Variants in ASPM observed in about 807,000 individuals in gnomAD.
The protein encoded by ASPM is abnormal spindle-like microcephaly-associated protein.
In ASPM, 256 loss-of-function variants were observed where a neutral mutation model predicts 366.4. That is an observed-to-expected ratio of 0.70 (90% CI 0.63 to 0.77). The LOEUF is 0.77. Ranked by LOEUF, ASPM falls within the 30% of genes least tolerant of loss-of-function variation. ASPM has a pLI of 0.00. For missense variants in ASPM, 4,146 were observed against 4,090.4 expected (o/e 1.01, Z -0.37); for synonymous variants, 1,414 against 1,342.9 (o/e 1.05, Z -1.16).
At chr1:197,131,804 T>A (rs1327631166) in intron 7 of ASPM, among the ~76,000 whole-genome samples, 1 of 150,558 alleles carries the variant, frequency 6.6e-6, no homozygotes, top group African/African-American at 2.4e-5. Context: ...CACGATCAGC[T>A]CACCTCAGTC....
At chr1:197,135,747 T>C (rs925438209) in intron 4 of ASPM, among the ~76,000 whole-genome samples, 3 of 151,740 alleles carry the variant, frequency 2.0e-5, no homozygotes, top group Admixed American at 6.6e-5. Context: ...GGCCAGGGGT[T>C]TGTAACCAGC....
chr1:197,146,446 C>A lies in ASPM; in HGVS notation c.-9G>T, dbSNP rs141108591. On this transcript the variant is annotated 5_prime_UTR_variant, in exon 1 of 28. Coordinates refer to ENST00000367409, the MANE Select transcript of ASPM (RefSeq NM_018136.5). ...ACTCGCCGGTTCGCCATGGCAGATTCGAGACCCCTCCTGGATCTCCTTGCC... is the reference window on the plus strand; with the variant it reads ...ACTCGCCGGTTCGCCATGGCAGATTAGAGACCCCTCCTGGATCTCCTTGCC... 6.1e-4 allele frequency: 980 copies of A among 1,605,288 alleles called. 11 individuals are homozygous for A. In the East Asian group the frequency reaches 0.02, roughly 33 times the overall value.
chr1:197,133,385 A>G lies in ASPM; in HGVS notation c.2384T>C (p.Ile795Thr), dbSNP rs1049519460. 4 of 1,613,924 alleles carry G rather than the reference A, an allele frequency of 2.5e-6. No individual in the cohort carries two copies. The highest frequency in any genetic ancestry group is 2.7e-5 in the African/African-American group (2 of 74,926). The change falls in exon 6 of 28, where the codon ATT becomes ACT. Residue 795 changes from isoleucine (I) to threonine (T), a missense_variant. Coordinates refer to ENST00000367409, the MANE Select transcript of ASPM (RefSeq NM_018136.5). Reference protein sequence around the residue: ...LEIEIEARRLIVRKDRHLWKD... With the variant: ...LEIEIEARRLTVRKDRHLWKD... ...CCATAGGTGTCTATCTTTTCGAACA[A>G]TTAACCGCCTAGCTTCAATTTCAAT...
intron 10 of ASPM, among the ~76,000 whole-genome samples, chr1:197,126,707 C>T (rs1415115988): frequency 1.3e-5 from 2 of 152,126 alleles, no homozygotes; most frequent in Admixed American, 1.3e-4. Flanking sequence ...AGACTATTAA[C>T]TTGTGAGAAT....
Position 197,130,041 on chromosome 1 carries a change from G to A in ASPM, c.2503C>T (p.Leu835Phe), listed in dbSNP as rs574186428. 9 of 1,613,802 alleles carry A rather than the reference G, an allele frequency of 5.6e-6. No individual in the cohort carries two copies. The East Asian group carries it at 1.8e-4, about 32-fold the overall frequency. ...TCACTGTTATCTTCCAAAGATATGA[G>A]TTCTCCATAAGTTGTCTGAAAATAA... ...RIGLETTYGE[L>F]ISLEDNSDVT... Residue 835 changes from leucine (L) to phenylalanine (F), a missense_variant, in exon 8 of 28, where the codon CTC becomes TTC. Transcript: ENST00000367409.
intron 1 of ASPM, among the ~76,000 whole-genome samples, chr1:197,144,745 T>G (rs1257714640): frequency 1.3e-5 from 2 of 151,944 alleles, no homozygotes; most frequent in African/African-American, 2.4e-5. Context: ...GAGTTTGGAC[T>G]TTAACATCTA....
chr1:197,100,942 A>C lies in ASPM; in HGVS notation c.8309T>G (p.Val2770Gly), dbSNP rs886043529. The change falls in exon 18 of 28, where the codon GTT (valine) becomes GGT (glycine). Residue 2770 changes from valine (V) to glycine (G), a missense_variant. Physicochemically the swap from Val to Gly is moderately radical, Grantham distance 109. Around this residue, in one of 3 missense-constraint regions of ASPM, gnomAD observed 3,624 missense variants for 3,591.7 expected, o/e 1.01. Transcript: ENST00000367409. ...NVSEEKMAAI[V>G]NQSALCCYRS... ...GTAACAGCAGAGTGCAGATTGGTTA[A>C]CAATGGCTGCCATCTTTTCCTCTGA... 15 of 1,612,604 alleles carry C rather than the reference A, an allele frequency of 9.3e-6. No individual in the cohort carries two copies. Among genetic ancestry groups the C allele is most frequent in the Admixed American group, 1.7e-5 (1 of 59,756 alleles).
chr1:197,103,023 C>A lies in ASPM; in HGVS notation c.6228G>T (p.Trp2076Cys). 1 of 1,612,176 alleles carries A rather than the reference C, an allele frequency of 6.2e-7. No homozygotes were observed. Among genetic ancestry groups the A allele is most frequent in the Non-Finnish European group, 8.5e-7 (1 of 1,179,058 alleles). Residue 2076 changes from tryptophan (W) to cysteine (C), a missense_variant, in exon 18 of 28, where the codon TGG becomes TGT. Trp to Cys is a radical substitution (Grantham distance 215). This residue lies in a region of ASPM where 3,624 missense variants were observed against 3,591.7 expected (regional missense o/e 1.01). Coordinates refer to ENST00000367409, the MANE Select transcript of ASPM (RefSeq NM_018136.5). ...GGTTTGTAATTTTAATACCTCGATA[C>A]CATCTCTGAATTATAATAGCTGAAG... Reference protein sequence around the residue: ...YRASAIIIQRWYRGIKITNHQ... With the variant: ...YRASAIIIQRCYRGIKITNHQ...
intron 17 of ASPM, among the ~76,000 whole-genome samples, chr1:197,116,431 GACACAA>G (rs1657739088): frequency 6.6e-6 from 1 of 152,162 alleles, no homozygotes; most frequent in Admixed American, 6.6e-5. Flanking sequence ...ACCAAACTAT[GACACAA>G]ACACAAAGTG....
At position 197,092,074 on chromosome 1, in the gene ASPM, A is replaced by C; in HGVS notation, c.9295-18T>G. 1 of 1,610,400 alleles carries C rather than the reference A, an allele frequency of 6.2e-7. No homozygotes were observed. On this transcript the variant is annotated intron_variant, in intron 21 of 27. Coordinates refer to ENST00000367409, the MANE Select transcript of ASPM (RefSeq NM_018136.5). ...TCTAAAAACTAAAGGTGAAAAAACA[A>C]AGCATATTCAAGTATCTGCCTCCTA...
chr1:197,106,045 C>T (rs1657400069), intron 17 of ASPM, among the ~76,000 whole-genome samples: 1 of 151,926 alleles, frequency 6.6e-6, no homozygotes, highest in South Asian at 2.1e-4. Flanking sequence ...TACTTTTTCT[C>T]GCATATAAGT....
chr1:197,143,527 C>T lies in ASPM; in HGVS notation c.725G>A (p.Arg242His), dbSNP rs374323328. Residue 242 changes from arginine to histidine, a missense_variant, in exon 3 of 28, where the codon CGT becomes CAT. By Grantham distance (29) the Arg-to-His change is conservative. Around this residue, in one of 3 missense-constraint regions of ASPM, gnomAD observed 512 missense variants for 471.7 expected, o/e 1.09. Coordinates refer to ENST00000367409, the MANE Select transcript of ASPM (RefSeq NM_018136.5). ...AAGAGATGAGTAGGTAGTAGATCGA[C>T]GTACAGAGAGTGGCAAGCAAGTTGC... ...HGATCLPLSVRRSTTYSSLHA... is the reference protein window; with the variant it reads ...HGATCLPLSVHRSTTYSSLHA... 1.2e-5 allele frequency: 19 copies of T among 1,613,762 alleles called. No individual in the cohort carries two copies. Among genetic ancestry groups the T allele is most frequent in the Middle Eastern group, 1.6e-4 (1 of 6,084 alleles).
At chr1:197,088,932 G>A (rs928896812) in intron 25 of ASPM, among the ~76,000 whole-genome samples, 26 of 151,820 alleles carry the variant, frequency 1.7e-4, no homozygotes. Context: ...TATTTTCCAC[G>A]CCTCATTTTT....
intron 27 of ASPM, among the ~76,000 whole-genome samples, chr1:197,085,956 T>C (rs1656576371): frequency 1.3e-5 from 2 of 152,172 alleles, no homozygotes; most frequent in Non-Finnish European, 2.9e-5. Flanking sequence ...ATTCATATGT[T>C]AGTATGAGCT....
intron 16 of ASPM, among the ~76,000 whole-genome samples, chr1:197,121,487 A>C (rs924222889): frequency 6.6e-6 from 1 of 152,180 alleles, no homozygotes; most frequent in Non-Finnish European, 1.5e-5. Flanking sequence ...TCACAAAATC[A>C]GACACTTGAT....
At position 197,102,121 on chromosome 1, in the gene ASPM, T is replaced by C. The variant is rs1657210133; in HGVS notation, c.7130A>G (p.Gln2377Arg). The C allele has an allele frequency of 3.1e-6, 5 of 1,613,014 alleles. No individual in the cohort carries two copies. Among genetic ancestry groups the C allele is most frequent in the Non-Finnish European group, 4.2e-6 (5 of 1,179,298 alleles). Reference protein sequence around the residue: ...QYQANRAAKLQRQHYLRQRHS... With the variant: ...QYQANRAAKLRRQHYLRQRHS... ...TCTTTGTCTGAGATAATGCTGCCTC[T>C]GCAGTTTTGCAGCTCTATTTGCTTG... The change falls in exon 18 of 28, where the codon CAG (glutamine) becomes CGG (arginine). Residue 2377 changes from glutamine to arginine, a missense_variant. Gln to Arg is a conservative substitution (Grantham distance 43). Coordinates refer to ENST00000367409, the MANE Select transcript of ASPM (RefSeq NM_018136.5).
intron 20 of ASPM, 98 bp from the exon 21 acceptor site, chr1:197,093,359 ATGATTTATAGTCTAAGAATGCCATGT>A: frequency 1.0e-6 from 1 of 968,448 alleles, no homozygotes. Context: ...TGGCATAATT[ATGATTTATAGTCTAAGAATGCCATGT>A]TTCATAGATA....
chr1:197,133,334 T>C lies in ASPM; in HGVS notation c.2419+16A>G. On this transcript the variant is annotated intron_variant, in intron 6 of 27. Coordinates refer to ENST00000367409, the MANE Select transcript of ASPM (RefSeq NM_018136.5). ...TTTTTAAAGAATTAATGTCAAGATTTCTGCAGTCTTCTTACCCACATCTTT... is the reference window on the plus strand; with the variant it reads ...TTTTTAAAGAATTAATGTCAAGATTCCTGCAGTCTTCTTACCCACATCTTT... 2 of 1,598,952 alleles carry C rather than the reference T, an allele frequency of 1.3e-6. No individual in the cohort carries two copies. The highest frequency in any genetic ancestry group is 1.7e-6 in the Non-Finnish European group (2 of 1,173,410).
intron 13 of ASPM, among the ~76,000 whole-genome samples, chr1:197,123,407 G>T (rs890513536): frequency 6.6e-6 from 1 of 151,940 alleles, no homozygotes; most frequent in Non-Finnish European, 1.5e-5. Context: ...TACTAATTTT[G>T]GCATTAAAAA....
Sources: gnomAD v4.1 joint callset for allele counts (sites outside exome capture counted in the v4.1 genomes callset) on GRCh38, gnomAD v4.1.1 for gene constraint, gnomAD v4.1.1 regional missense constraint, MANE v1.5 for transcripts, NCBI Gene and HGNC (gene_info 2026-07-23, HGNC 2026-07-21) for gene names.